Variants in ZNF665 observed in about 807,000 individuals in gnomAD.
The protein encoded by ZNF665 is zinc finger protein 665.
A neutral mutation model predicts 7.9 loss-of-function variants in ZNF665; 6 were observed. The ratio of observed to expected loss-of-function variants is 0.76; its 90% CI spans 0.42 to 1.50. The LOEUF (loss-of-function observed/expected upper bound fraction) is 1.50. Ranked by LOEUF, ZNF665 falls within the 40% of genes most tolerant of loss-of-function variation. The probability of loss-of-function intolerance (pLI) is 0.01; values close to 1 mark genes in which losing one functional copy is unlikely to be tolerated. For missense variants in ZNF665, 819 were observed against 806.7 expected (o/e 1.02, Z -0.18); for synonymous variants, 242 against 274.5 (o/e 0.88, Z 1.17).
intron 3 of ZNF665, among the ~76,000 whole-genome samples, chr19:53,174,392 G>A (rs2090680776): frequency 6.6e-6 from 1 of 151,968 alleles, no homozygotes; most frequent in South Asian, 2.1e-4. Flanking sequence ...TTAAGTGGTA[G>A]GGAAAAAAAT....
chr19:53,164,779 T>G lies in ZNF665; in HGVS notation c.1711A>C (p.Lys571Gln). ...QRIHTGEKPY[K>Q]CNECGKAFSV... ...AATGCTTTGCCGCACTCATTACACTTATAAGGTTTCTCACCAGTGTGAATT... is the reference window on the plus strand; with the variant it reads ...AATGCTTTGCCGCACTCATTACACTGATAAGGTTTCTCACCAGTGTGAATT... The change falls in exon 4 of 4, where the codon AAG becomes CAG. Residue 571 changes from lysine to glutamine, a missense_variant. Physicochemically the swap from Lys to Gln is moderately conservative, Grantham distance 53 (BLOSUM62 1). Transcript: ENST00000396424. 1 of 1,614,214 alleles carries G rather than the reference T, an allele frequency of 6.2e-7. No individual in the cohort carries two copies. Among genetic ancestry groups the G allele is most frequent in the Non-Finnish European group, 8.5e-7 (1 of 1,180,024 alleles).
chr19:53,171,504 G>GTGTGTGTGTATATA (rs140482885), intron 3 of ZNF665, among the ~76,000 whole-genome samples: 2 of 57,774 alleles, frequency 3.5e-5, no homozygotes, highest in Non-Finnish European at 6.6e-5. Context: ...GTGTGTGTGT[G>GTGTGTGTGTATATA]TATATATATA....
chr19:53,167,781 C>A lies in ZNF665; in HGVS notation c.143-1434G>T, dbSNP rs541273585. Among the ~76,000 whole-genome samples, 8 of 147,576 alleles carry A rather than the reference C, an allele frequency of 5.4e-5. No individual in the cohort carries two copies. The East Asian group carries it at 1.5e-3, about 27-fold the overall frequency. ...CTTGAGAAAAGAGGAGTCTGCCGGGCGCCGGTGGCTCCCGCCTGTAATCCC... is the reference window on the plus strand; with the variant it reads ...CTTGAGAAAAGAGGAGTCTGCCGGGAGCCGGTGGCTCCCGCCTGTAATCCC... On this transcript the variant is annotated intron_variant, in intron 3 of 3. Transcript: ENST00000396424.
At chr19:53,173,499 C>T (rs1190719878) in intron 3 of ZNF665, among the ~76,000 whole-genome samples, 2 of 151,172 alleles carry the variant, frequency 1.3e-5, no homozygotes, top group African/African-American at 4.9e-5. Context: ...CTCAGCCTCC[C>T]AAGTAGCTGG....
chr19:53,184,171 G>A (rs184634804), intron 1 of ZNF665, among the ~76,000 whole-genome samples: 1 of 152,078 alleles, frequency 6.6e-6, no homozygotes, highest in African/African-American at 2.4e-5. Context: ...GATGGCTTGA[G>A]GACAGGAGGT....
rs953655477 is a variant in ZNF665 at position 53,173,187 on chromosome 19, T to C, written c.142+2258A>G. Among the ~76,000 whole-genome samples the C allele has an allele frequency of 5.3e-5, 8 of 152,180 alleles. 1 individual carries two copies. The highest frequency in any genetic ancestry group is 5.2e-4 in the Admixed American group (8 of 15,276). On this transcript the variant is annotated intron_variant, in intron 3 of 3. Transcript: ENST00000396424. The stretch of plus-strand genomic sequence containing the variant: ...CATTATCAGGTCTTACGTTTAAGTA[T>C]TTAATACATTTTGAATCAATTTTGG...
intron 3 of ZNF665, among the ~76,000 whole-genome samples, chr19:53,172,330 T>C (rs560245987): frequency 6.6e-6 from 1 of 152,292 alleles, no homozygotes; most frequent in South Asian, 2.1e-4. Context: ...TTTTTATTTT[T>C]TTGAGAAATT....
intron 3 of ZNF665, among the ~76,000 whole-genome samples, chr19:53,167,132 G>T (rs1386985057): frequency 6.6e-6 from 1 of 151,948 alleles, no homozygotes; most frequent in Non-Finnish European, 1.5e-5. Context: ...CTCCTGAGTA[G>T]CTGGGATTAC....
chr19:53,182,817 C>T (rs1362003085), intron 2 of ZNF665, 67 bp downstream of exon 2: 7 of 1,610,920 alleles, frequency 4.3e-6, no homozygotes, highest in East Asian at 2.2e-5. Context: ...GAGAAGATTC[C>T]CAACTCCAAG....
intron 2 of ZNF665, chr19:53,179,661 A>G (rs2090723997): frequency 6.6e-6 from 1 of 152,098 alleles, no homozygotes; most frequent in African/African-American, 2.4e-5. Flanking sequence ...TCAACCAGTA[A>G]AACTGAGTGT....
At chr19:53,190,033 G>A (rs8111668) in intron 1 of ZNF665, among the ~76,000 whole-genome samples, 4,159 of 152,264 alleles carry the variant, frequency 0.027, 125 homozygotes, top group African/African-American at 0.077. Flanking sequence ...ATTATAGAGC[G>A]AGGATTATTA....
chr19:53,169,206 G>A lies in ZNF665; in HGVS notation c.143-2859C>T, dbSNP rs532636350. On this transcript the variant is annotated intron_variant, in intron 3 of 3. Coordinates refer to ENST00000396424, the MANE Select transcript of ZNF665 (RefSeq NM_024733.5). ...CTGGAATATACAAAGAACTCTCAAA[G>A]TTCAATATTAAGAAAACAAAAAGCC... Among the ~76,000 whole-genome samples, 35 of 152,020 alleles carry A rather than the reference G, an allele frequency of 2.3e-4. 1 individual carries two copies. In the East Asian group the frequency reaches 5.0e-3, roughly 22 times the overall value.
intron 3 of ZNF665, among the ~76,000 whole-genome samples, chr19:53,168,804 A>T (rs1404206250): frequency 1.3e-5 from 2 of 152,188 alleles, no homozygotes; most frequent in Non-Finnish European, 2.9e-5. Context: ...TTATATAGAC[A>T]ACTGATTTTT....
Position 53,165,802 on chromosome 19 carries a change from C to T in ZNF665, c.688G>A (p.Gly230Arg), listed in dbSNP as rs1181748954. The T allele has an allele frequency of 2.5e-6, 4 of 1,613,918 alleles. No individual in the cohort carries two copies. Among genetic ancestry groups the T allele is most frequent in the African/African-American group, 1.3e-5 (1 of 74,874 alleles). The change falls in exon 4 of 4, where the codon GGA (glycine) becomes AGA (arginine). Residue 230 changes from glycine to arginine, a missense_variant. Physicochemically the swap from Gly to Arg is moderately radical, Grantham distance 125. Coordinates refer to ENST00000396424, the MANE Select transcript of ZNF665 (RefSeq NM_024733.5). The stretch of plus-strand genomic sequence containing the variant: ...TCATTACATTTGTAAGGTTTTTCTC[C>T]AGTATGGATGACCTGATGGATTGTT... Reference protein sequence around the residue: ...NLTIHQVIHTGEKPYKCNECG... With the variant: ...NLTIHQVIHTREKPYKCNECG...
At chr19:53,189,081 G>T (rs1474210094) in intron 1 of ZNF665, among the ~76,000 whole-genome samples, 1 of 151,856 alleles carries the variant, frequency 6.6e-6, no homozygotes, top group Non-Finnish European at 1.5e-5. Context: ...GTGTGTGTGT[G>T]TGTGTGAATA....
chr19:53,164,373 G>A lies in ZNF665; in HGVS notation c.*80C>T. The A allele has an allele frequency of 8.5e-7, 1 of 1,172,842 alleles. No individual in the cohort carries two copies. The highest frequency in any genetic ancestry group is 1.2e-6 in the Non-Finnish European group (1 of 855,016). 72.7% of individuals were successfully genotyped at this position (1,172,842 alleles called of 1,614,324 possible). A position where few individuals can be genotyped will look rare whatever the true frequency, so the allele number is the denominator to read the frequency against. On this transcript the variant is annotated 3_prime_UTR_variant, in exon 4 of 4. Coordinates refer to ENST00000396424, the MANE Select transcript of ZNF665 (RefSeq NM_024733.5). ...GCCTGGTCTCGAACTCGAGACCTCA[G>A]GTGATCCCCCCGCCTCGGCCTCCCA...
chr19:53,181,431 A>G (rs1248605636), intron 2 of ZNF665: 3 of 152,006 alleles, frequency 2.0e-5, no homozygotes, highest in Non-Finnish European at 2.9e-5. Context: ...AGAAAAAAAA[A>G]AAAAGGAGAA....
intron 3 of ZNF665, among the ~76,000 whole-genome samples, chr19:53,167,104 C>A (rs62115533): frequency 0.52 from 78,348 of 151,744 alleles, 22,909 homozygotes; most frequent in South Asian, 0.72. Flanking sequence ...CAGGTTCAAG[C>A]GATTCTCCTG....
chr19:53,169,668 GC>G lies in ZNF665; in HGVS notation c.143-3322del, dbSNP rs1215185561. ...TTTAGCATTAGGTGTATCTCCTAAA[GC>G]CTATCCCTCCCCCTTCCCCCCACCC... On this transcript the variant is annotated intron_variant, in intron 3 of 3. Transcript: ENST00000396424. 2.0e-4 allele frequency among the ~76,000 whole-genome samples: 31 copies of G among 152,078 alleles called. 1 individual carries two copies. In the East Asian group the frequency reaches 4.5e-3, roughly 22 times the overall value.
Sources: allele counts gnomAD v4.1 joint callset (sites outside exome capture counted in the v4.1 genomes callset), GRCh38; gene constraint gnomAD v4.1.1; transcripts MANE v1.5; gene names NCBI Gene and HGNC (gene_info 2026-07-23, HGNC 2026-07-21).